ATP13A4: variants seen among roughly 807,000 people sequenced by gnomAD.
The protein encoded by ATP13A4 is ATPase 13A4.
ATP13A4 carries 114 observed loss-of-function variants against 142.5 expected under a neutral mutation model. The observed-to-expected ratio is 0.80, with a 90% CI of 0.69 to 0.93. The LOEUF is 0.93. Ranked by LOEUF, ATP13A4 falls within the 40% of genes least tolerant of loss-of-function variation. The pLI is 0.00. For missense variants in ATP13A4, 1,392 were observed against 1,454.0 expected (o/e 0.96, Z 0.69); for synonymous variants, 488 against 514.8 (o/e 0.95, Z 0.70).
intron 6 of ATP13A4, among the ~76,000 whole-genome samples, chr3:193,490,149 A>T (rs1054755440): frequency 6.6e-6 from 1 of 152,214 alleles, no homozygotes; most frequent in African/African-American, 2.4e-5. Flanking sequence ...GTCCAAAGTC[A>T]TGCGACTATG....
At chr3:193,463,424 TAAAAAAA>T (rs11336311) in intron 12 of ATP13A4, among the ~76,000 whole-genome samples, 1 of 95,996 alleles carries the variant, frequency 1.0e-5, no homozygotes, top group Non-Finnish European at 2.1e-5. Flanking sequence ...TGCTATTTGG[TAAAAAAA>T]AAAAAAAAAA....
intron 2 of ATP13A4, among the ~76,000 whole-genome samples, chr3:193,570,877 T>C (rs925161281): frequency 6.6e-6 from 1 of 152,214 alleles, no homozygotes; most frequent in Non-Finnish European, 1.5e-5. Context: ...ATGACATATA[T>C]ACAATGCTTA....
Position 193,541,381 on chromosome 3 carries a change from AT to A in ATP13A4, c.60+13358del, listed in dbSNP as rs781536640. On this transcript the variant is annotated intron_variant, in intron 1 of 29. Coordinates refer to ENST00000342695, the MANE Select transcript of ATP13A4 (RefSeq NM_032279.4). ...ATCTATCTGTGATTATCGATCACAG[AT>A]TATCTATCTGTGATTATCGATCACA... is the stretch of plus-strand genomic sequence containing the variant. Among the ~76,000 whole-genome samples, 19 of 118,216 alleles carry A rather than the reference AT, an allele frequency of 1.6e-4. No individual in the cohort carries two copies. In the East Asian group the frequency reaches 3.7e-3, roughly 23 times the overall value. 77.6% of individuals were successfully genotyped at this position (118,216 alleles called of 152,430 possible).
intron 25 of ATP13A4, among the ~76,000 whole-genome samples, chr3:193,422,114 C>G (rs545042210): frequency 6.7e-6 from 1 of 149,832 alleles, no homozygotes; most frequent in Non-Finnish European, 1.5e-5. Flanking sequence ...ATATTCTATG[C>G]AAATGGTAAT....
chr3:193,398,970 T>G lies in ATP13A4; in HGVS notation c.*3682A>C, dbSNP rs924097698. 1.3e-5 allele frequency among the ~76,000 whole-genome samples: 2 copies of G among 152,216 alleles called. No homozygotes were observed. Among genetic ancestry groups the G allele is most frequent in the African/African-American group, 4.8e-5 (2 of 41,450 alleles). Reference sequence around the variant, plus strand: ...ACTCCACCGCAGAGAGAGAGACTGATTTTTATAACAACTGAATTTATTATA... The same window carrying G: ...ACTCCACCGCAGAGAGAGAGACTGAGTTTTATAACAACTGAATTTATTATA... On this transcript the variant is annotated 3_prime_UTR_variant, in exon 30 of 30. Coordinates refer to ENST00000342695, the MANE Select transcript of ATP13A4 (RefSeq NM_032279.4).
chr3:193,444,869 A>C (rs1275473321), intron 18 of ATP13A4, among the ~76,000 whole-genome samples: 4 of 152,224 alleles, frequency 2.6e-5, no homozygotes, highest in African/African-American at 9.6e-5. Flanking sequence ...TGAGGCTGGA[A>C]GGATACAGGG....
At chr3:193,427,388 A>G (rs1298302271) in intron 25 of ATP13A4, among the ~76,000 whole-genome samples, 1 of 152,170 alleles carries the variant, frequency 6.6e-6, no homozygotes, top group Admixed American at 6.5e-5. Flanking sequence ...AAGGTAATTT[A>G]TAGATTCAAT....
intron 7 of ATP13A4, among the ~76,000 whole-genome samples, chr3:193,486,850 G>C (rs1204777119): frequency 6.6e-6 from 1 of 152,092 alleles, no homozygotes; most frequent in Non-Finnish European, 1.5e-5. Flanking sequence ...TATATTAATA[G>C]TAATTTTTTA....
chr3:193,459,181 G>T lies in ATP13A4; in HGVS notation c.1574C>A (p.Pro525Gln). The change falls in exon 14 of 30, where the codon CCA (proline) becomes CAA (glutamine). Residue 525 changes from proline to glutamine, a missense_variant. Physicochemically the swap from Pro to Gln is moderately conservative, Grantham distance 76. Coordinates refer to ENST00000342695, the MANE Select transcript of ATP13A4 (RefSeq NM_032279.4). ...FASGQALPWG[P>Q]LCAAMASCHS... ...GCAGCTGGCCATCGCTGCACACAGTGGGCCCCATGGCAAAGCCTGGCCTGA... is the reference window on the plus strand; with the variant it reads ...GCAGCTGGCCATCGCTGCACACAGTTGGCCCCATGGCAAAGCCTGGCCTGA... The T allele has an allele frequency of 6.2e-7, 1 of 1,614,202 alleles. No individual in the cohort carries two copies. The highest frequency in any genetic ancestry group is 8.5e-7 in the Non-Finnish European group (1 of 1,180,038).
chr3:193,411,057 A>G lies in ATP13A4; in HGVS notation c.3222T>C (p.Leu1074=), dbSNP rs142523415. 2 of 1,607,792 alleles carry G rather than the reference A, an allele frequency of 1.2e-6. No homozygotes were observed. Among genetic ancestry groups the G allele is most frequent in the East Asian group, 4.5e-5 (2 of 44,684 alleles). ...QPTYTNYIFV[L]VLIIQLGVCL... ...ATACACCAAGCTGTATTATCAGCAC[A>G]AGGACAAATATATCTGAGGAAATAA... Residue 1074 remains leucine (L), a synonymous_variant, in exon 28 of 30, where the codon CTT becomes CTC. Transcript: ENST00000342695.
At chr3:193,460,161 C>A (rs575619706) in intron 13 of ATP13A4, among the ~76,000 whole-genome samples, 2 of 152,146 alleles carry the variant, frequency 1.3e-5, no homozygotes, top group African/African-American at 4.8e-5. Context: ...TCAACTCTGC[C>A]GTCCCCTTCA....
chr3:193,434,007 G>C, intron 24 of ATP13A4, 90 bp from the exon 25 acceptor site: 1 of 1,099,170 alleles, frequency 9.1e-7, no homozygotes, highest in Non-Finnish European at 1.4e-6. Flanking sequence ...CTGTGACATA[G>C]GGTTTTTCAA....
intron 2 of ATP13A4, among the ~76,000 whole-genome samples, chr3:193,569,027 T>C (rs961594467): frequency 6.6e-6 from 1 of 152,244 alleles, no homozygotes; most frequent in African/African-American, 2.4e-5. Context: ...CATAGTGATT[T>C]CCTTCTAAAG....
intron 8 of ATP13A4, among the ~76,000 whole-genome samples, chr3:193,473,266 G>T (rs930660776): frequency 3.9e-5 from 6 of 152,138 alleles, no homozygotes; most frequent in Non-Finnish European, 8.8e-5. Flanking sequence ...GAACATCAAA[G>T]TAAATAATGA....
At chr3:193,535,971 A>G (rs1005913625) in intron 1 of ATP13A4, among the ~76,000 whole-genome samples, 1 of 152,100 alleles carries the variant, frequency 6.6e-6, no homozygotes, top group Non-Finnish European at 1.5e-5. Flanking sequence ...ATTACTATTA[A>G]GAAAATTGAA....
At chr3:193,486,675 T>C (rs1179675207) in intron 7 of ATP13A4, among the ~76,000 whole-genome samples, 1 of 152,294 alleles carries the variant, frequency 6.6e-6, no homozygotes, top group Non-Finnish European at 1.5e-5. Flanking sequence ...GGATATCAAA[T>C]AGGTTGTTGA....
At chr3:193,514,407 T>C (rs1721295983) in intron 2 of ATP13A4, among the ~76,000 whole-genome samples, 1 of 152,238 alleles carries the variant, frequency 6.6e-6, no homozygotes, top group East Asian at 1.9e-4. Context: ...GAAAAGGACA[T>C]GATTTCGTTC....
At chr3:193,481,169 G>T (rs924245915) in intron 8 of ATP13A4, among the ~76,000 whole-genome samples, 3 of 152,208 alleles carry the variant, frequency 2.0e-5, no homozygotes, top group Admixed American at 6.5e-5. Flanking sequence ...CACACTGGGT[G>T]CAGTGTACAC....
intron 1 of ATP13A4, among the ~76,000 whole-genome samples, chr3:193,534,987 G>C (rs1197323558): frequency 6.6e-6 from 1 of 151,920 alleles, no homozygotes; most frequent in Non-Finnish European, 1.5e-5. Context: ...AAAGAGTAAT[G>C]ATACCTACCT....
Sources: allele counts gnomAD v4.1 joint callset (sites outside exome capture counted in the v4.1 genomes callset), GRCh38; gene constraint gnomAD v4.1.1; transcripts MANE v1.5; gene names NCBI Gene and HGNC (gene_info 2026-07-23, HGNC 2026-07-21).